The following LRRTM3 variants were observed in gnomAD, a reference collection of about 807,000 sequenced individuals.
The protein encoded by LRRTM3 is leucine-rich repeat transmembrane neuronal protein 3.
Under a neutral mutation model 44.7 loss-of-function variants are expected in LRRTM3, and 24 were observed. That is an observed-to-expected ratio of 0.54 (90% CI 0.39 to 0.76). The LOEUF is 0.76. Among genes scored for constraint, LRRTM3 ranks in the 30% least tolerant of loss-of-function variants. The probability of loss-of-function intolerance (pLI) is 0.00; values close to 1 mark genes in which losing one functional copy is unlikely to be tolerated. For synonymous variants in LRRTM3, 277 were observed against 278.7 expected (o/e 0.99, Z 0.06); for missense variants, 587 against 702.2 (o/e 0.84, Z 1.85).
chr10:67,098,824 G>A lies in LRRTM3; in HGVS notation c.*1028G>A, dbSNP rs1404281146. ...CAATTTTTATCCTAATTAACCCATA[G>A]CGGTTTACCTAAAAGTAACCATCAG... On this transcript the variant is annotated 3_prime_UTR_variant, in exon 3 of 3. Coordinates refer to ENST00000361320, the MANE Select transcript of LRRTM3 (RefSeq NM_178011.5). 1.3e-5 allele frequency: 2 copies of A among 151,814 alleles called. No homozygotes were observed. The highest frequency in any genetic ancestry group is 2.9e-5 in the Non-Finnish European group (2 of 67,866). 9.4% of individuals were successfully genotyped at this position (151,814 alleles called of 1,614,324 possible). A position where few individuals can be genotyped will look rare whatever the true frequency, so the allele number is the denominator to read the frequency against.
In LRRTM3 at chr10:66,949,276, C is replaced by T. The variant is rs1047868874; in HGVS notation, c.1536+20824C>T. On this transcript the variant is annotated intron_variant, in intron 2 of 2. Coordinates refer to ENST00000361320, the MANE Select transcript of LRRTM3 (RefSeq NM_178011.5). ...CCCTTTAAAAATCACTATGGCCAGA[C>T]CAGGTGCTGTGGGCTCATGCCTGTA... Among the ~76,000 whole-genome samples, 3 of 151,942 alleles carry T rather than the reference C, an allele frequency of 2.0e-5. No individual in the cohort carries two copies. The East Asian group carries it at 5.8e-4, about 29-fold the overall frequency.
At chr10:66,967,299 TATAGGTATAG>T (rs1415106624) in intron 2 of LRRTM3, among the ~76,000 whole-genome samples, 1 of 151,580 alleles carries the variant, frequency 6.6e-6, no homozygotes, top group African/African-American at 2.4e-5. Flanking sequence ...TAGATATAGA[TATAGGTATAG>T]ATAGATATAG....
intron 2 of LRRTM3, among the ~76,000 whole-genome samples, chr10:67,043,353 C>A (rs990860596): frequency 1.3e-5 from 2 of 151,990 alleles, no homozygotes; most frequent in Non-Finnish European, 1.5e-5. Context: ...GATTACAGAA[C>A]CACAGCAATA....
Position 66,984,432 on chromosome 10 carries a change from A to G in LRRTM3, c.1536+55980A>G, listed in dbSNP as rs191084171. ...TGCATAGAGGAAGCAGATAAAATTG[A>G]CCAAATGTAAATATGAGAGAAAGAG... On this transcript the variant is annotated intron_variant, in intron 2 of 2. Coordinates refer to ENST00000361320, the MANE Select transcript of LRRTM3 (RefSeq NM_178011.5). Among the ~76,000 whole-genome samples, 4 of 152,320 alleles carry G rather than the reference A, an allele frequency of 2.6e-5. No individual in the cohort carries two copies. In the East Asian group the frequency reaches 7.7e-4, roughly 29 times the overall value.
At chr10:66,992,601 A>T (rs1415049497) in intron 2 of LRRTM3, among the ~76,000 whole-genome samples, 1 of 152,106 alleles carries the variant, frequency 6.6e-6, no homozygotes, top group Non-Finnish European at 1.5e-5. Flanking sequence ...TTTTCATTTA[A>T]CACTTAATGC....
chr10:67,099,798 C>T lies in LRRTM3; in HGVS notation c.*2002C>T, dbSNP rs4746658. 3.3e-5 allele frequency: 5 copies of T among 151,844 alleles called. No individual in the cohort carries two copies. The highest frequency in any genetic ancestry group is 1.3e-4 in the Admixed American group (2 of 15,164). The allele number at this position is 151,844 out of a possible 1,614,324, so 9.4% of individuals were successfully genotyped here. A position where few individuals can be genotyped will look rare whatever the true frequency, so the allele number is the denominator to read the frequency against. ...TTCAAAAATTTTTGTCATTTTAAAT[C>T]TAATTTTAATCTTTATGTTTTCCAT... is the stretch of plus-strand genomic sequence containing the variant. On this transcript the variant is annotated 3_prime_UTR_variant, in exon 3 of 3. Transcript: ENST00000361320.
intron 2 of LRRTM3, among the ~76,000 whole-genome samples, chr10:67,016,027 ACT>A (rs72398772): frequency 0.31 from 46,280 of 151,154 alleles, 8,417 homozygotes; most frequent in East Asian, 0.53. Flanking sequence ...ATTGCTGTAT[ACT>A]CTCTTCTTTG....
chr10:67,023,084 T>G (rs1435322962), intron 2 of LRRTM3, among the ~76,000 whole-genome samples: 2 of 152,216 alleles, frequency 1.3e-5, no homozygotes, highest in Non-Finnish European at 2.9e-5. Flanking sequence ...TTGAGCTATG[T>G]ATCTAATTCA....
At chr10:67,052,459 T>G (rs987495694) in intron 2 of LRRTM3, 1 of 152,190 alleles carries the variant, frequency 6.6e-6, no homozygotes. Context: ...ATAGAAATTA[T>G]TCTAATCCAA....
intron 2 of LRRTM3, among the ~76,000 whole-genome samples, chr10:66,973,854 C>T (rs1849869145): frequency 6.6e-6 from 1 of 152,106 alleles, no homozygotes; most frequent in South Asian, 2.1e-4. Context: ...GAACTCCTGA[C>T]CTCAAGATTT....
At chr10:67,088,338 C>T (rs1383636460) in intron 2 of LRRTM3, among the ~76,000 whole-genome samples, 2 of 151,784 alleles carry the variant, frequency 1.3e-5, no homozygotes, top group Non-Finnish European at 2.9e-5. Context: ...GTTTTGTAGA[C>T]ATTAGCATGT....
At chr10:66,971,114 A>T (rs1418450528) in intron 2 of LRRTM3, among the ~76,000 whole-genome samples, 1 of 152,164 alleles carries the variant, frequency 6.6e-6, no homozygotes, top group African/African-American at 2.4e-5. Flanking sequence ...TACACTGGGC[A>T]GCAATGAGGC....
chr10:67,097,166 C>A (rs1344589149), intron 2 of LRRTM3, among the ~76,000 whole-genome samples: 1 of 151,736 alleles, frequency 6.6e-6, no homozygotes, highest in East Asian at 1.9e-4. Flanking sequence ...TTTGTGAATG[C>A]TAAAGTTTGA....
chr10:67,012,606 C>T (rs931109428), intron 2 of LRRTM3, among the ~76,000 whole-genome samples: 4 of 152,082 alleles, frequency 2.6e-5, no homozygotes, highest in South Asian at 2.1e-4. Flanking sequence ...AGGAACCCTA[C>T]GAAGATAAAA....
chr10:67,095,125 A>T (rs1311332259), intron 2 of LRRTM3, among the ~76,000 whole-genome samples: 2 of 151,656 alleles, frequency 1.3e-5, no homozygotes, highest in East Asian at 3.9e-4. Context: ...AAATTTTCAA[A>T]ATCATTTAGG....
chr10:67,051,563 G>A (rs1321212313), intron 2 of LRRTM3, among the ~76,000 whole-genome samples: 1 of 150,886 alleles, frequency 6.6e-6, no homozygotes, highest in African/African-American at 2.4e-5. Context: ...AGGTTCAAGC[G>A]ATTCTCCTGC....
chr10:66,988,545 G>A (rs1850860068), intron 2 of LRRTM3, among the ~76,000 whole-genome samples: 1 of 152,030 alleles, frequency 6.6e-6, no homozygotes, highest in African/African-American at 2.4e-5. Context: ...ATTTTATTCT[G>A]AATTTAAATC....
At chr10:66,974,583 A>G (rs1241020867) in intron 2 of LRRTM3, among the ~76,000 whole-genome samples, 1 of 152,172 alleles carries the variant, frequency 6.6e-6, no homozygotes, top group East Asian at 1.9e-4. Context: ...AATCTTCTAA[A>G]CTGTTCTTCA....
At chr10:66,971,422 G>A (rs908058425) in intron 2 of LRRTM3, among the ~76,000 whole-genome samples, 22 of 28,212 alleles carry the variant, frequency 7.8e-4, no homozygotes, top group Non-Finnish European at 2.9e-3. Context: ...GAGAGACTCC[G>A]TCTCAAAAAA....
Sources: allele counts gnomAD v4.1 joint callset (sites outside exome capture counted in the v4.1 genomes callset), GRCh38; gene constraint gnomAD v4.1.1; transcripts MANE v1.5; gene names NCBI Gene and HGNC (gene_info 2026-07-23, HGNC 2026-07-21).